TRMT5: variants seen among roughly 807,000 people sequenced by gnomAD.
TRMT5 encodes the protein tRNA (guanine(37)-N(1))-methyltransferase.
TRMT5 carries 31 observed loss-of-function variants against 42.2 expected under a neutral mutation model. The observed-to-expected ratio is 0.73, with a 90% CI of 0.55 to 0.99. The LOEUF (loss-of-function observed/expected upper bound fraction) is 0.99. Among genes scored for constraint, TRMT5 ranks in the 50% least tolerant of loss-of-function variants. The probability of loss-of-function intolerance (pLI) is 0.00; values close to 1 mark genes in which losing one functional copy is unlikely to be tolerated. For synonymous variants in TRMT5, 198 were observed against 209.6 expected, an observed-to-expected ratio of 0.94 and a Z score of 0.48; for missense variants, 568 against 595.0, an observed-to-expected ratio of 0.95 and a Z score of 0.47.
chr14:60,973,623 G>A lies in TRMT5; in HGVS notation c.*1486C>T, dbSNP rs188346331. 2.0e-5 allele frequency: 3 copies of A among 152,312 alleles called. No individual in the cohort carries two copies. The highest frequency in any genetic ancestry group is 4.4e-5 in the Non-Finnish European group (3 of 68,042). 9.4% of individuals were successfully genotyped at this position (152,312 alleles called of 1,614,324 possible). ...GGTGTAACTGTGTCTCTACACTCCA[G>A]CCTGGGCAACAGAGCAAGACCCTGT... On this transcript the variant is annotated 3_prime_UTR_variant, in exon 5 of 5. Transcript: ENST00000261249.
In TRMT5 at chr14:60,979,691, C is replaced by A. The variant is rs1180685311; in HGVS notation, c.207G>T (p.Glu69Asp). ...CAGAAGGTGGTGAAAACAATTCAGT[C>A]TCTCTCTCATGTGTTTCTGTTTCTG... Reference protein sequence around the residue: ...TMPETETHERETELFSPPSDV... With the variant: ...TMPETETHERDTELFSPPSDV... Residue 69 changes from glutamate to aspartate, a missense_variant, in exon 2 of 5, where the codon GAG (glutamate) becomes GAT (aspartate). By Grantham distance (45) the Glu-to-Asp change is conservative. Coordinates refer to ENST00000261249, the MANE Select transcript of TRMT5 (RefSeq NM_020810.3). 2 of 1,614,074 alleles carry A rather than the reference C, an allele frequency of 1.2e-6. No individual in the cohort carries two copies. Among genetic ancestry groups the A allele is most frequent in the Admixed American group, 3.3e-5 (2 of 59,994 alleles).
Position 60,972,501 on chromosome 14 carries a change from G to T in TRMT5, c.*2608C>A, listed in dbSNP as rs1438308760. The stretch of plus-strand genomic sequence containing the variant: ...GGCGGCGGCGGGATGTGGGCACCGG[G>T]TGTGGGACGCAGCAGCGCGCGGGCT... On this transcript the variant is annotated 3_prime_UTR_variant, in exon 5 of 5. Transcript: ENST00000261249. The T allele has an allele frequency of 4.3e-6, 2 of 468,186 alleles. No homozygotes were observed. The highest frequency in any genetic ancestry group is 8.5e-6 in the Non-Finnish European group (2 of 235,522). 29.0% of individuals were successfully genotyped at this position (468,186 alleles called of 1,614,324 possible).
Position 60,973,506 on chromosome 14 carries a change from G to A in TRMT5, c.*1603C>T, listed in dbSNP as rs2036806162. On this transcript the variant is annotated 3_prime_UTR_variant, in exon 5 of 5. Coordinates refer to ENST00000261249, the MANE Select transcript of TRMT5 (RefSeq NM_020810.3). Reference sequence around the variant, plus strand: ...GGGGATAGTGCTAAACCATTCACGAGGGCCACATATAAGGGCTCACACCTG... The same window carrying A: ...GGGGATAGTGCTAAACCATTCACGAAGGCCACATATAAGGGCTCACACCTG... The A allele has an allele frequency of 6.6e-6, 1 of 152,168 alleles. No individual in the cohort carries two copies. The highest frequency in any genetic ancestry group is 6.5e-5 in the Admixed American group (1 of 15,280). 9.4% of individuals were successfully genotyped at this position (152,168 alleles called of 1,614,324 possible). A position where few individuals can be genotyped will look rare whatever the true frequency, so the allele number is the denominator to read the frequency against.
In TRMT5 at chr14:60,971,768, T is replaced by C. The variant is rs2036776444; in HGVS notation, c.*3341A>G. 2 of 160,282 alleles carry C rather than the reference T, an allele frequency of 1.2e-5. No homozygotes were observed. Among genetic ancestry groups the C allele is most frequent in the Admixed American group, 1.3e-4 (2 of 15,610 alleles). 9.9% of individuals were successfully genotyped at this position (160,282 alleles called of 1,614,324 possible). A position where few individuals can be genotyped will look rare whatever the true frequency, so the allele number is the denominator to read the frequency against. On this transcript the variant is annotated 3_prime_UTR_variant, in exon 5 of 5. Coordinates refer to ENST00000261249, the MANE Select transcript of TRMT5 (RefSeq NM_020810.3). ...CATAATCTAGAAATGGAACCACTGCTCTTTTGACAGGTGCCATCTCAGTGG... is the reference window on the plus strand; with the variant it reads ...CATAATCTAGAAATGGAACCACTGCCCTTTTGACAGGTGCCATCTCAGTGG...
chr14:60,979,321 C>T lies in TRMT5; in HGVS notation c.577G>A (p.Gly193Ser). 6.2e-7 allele frequency: 1 copy of T among 1,614,124 alleles called. No homozygotes were observed. Among genetic ancestry groups the T allele is most frequent in the Non-Finnish European group, 8.5e-7 (1 of 1,180,008 alleles). The change falls in exon 2 of 5, where the codon GGT becomes AGT. Residue 193 changes from glycine to serine, a missense_variant. Coordinates refer to ENST00000261249, the MANE Select transcript of TRMT5 (RefSeq NM_020810.3). ...EEILRAVLPE[G>S]QDVTSGFSRI... is the part of the protein sequence containing the mutation. ...CTAAACCCTGAAGTTACATCTTGAC[C>T]TTCAGGAAGCACAGCTCTCAAGATT...
At chr14:60,979,114 A>T in intron 2 of TRMT5, 117 bp downstream of exon 2, 1 of 907,124 alleles carries the variant, frequency 1.1e-6, no homozygotes, top group Non-Finnish European at 1.6e-6. Flanking sequence ...GCTTAAAGTT[A>T]ACATGATAAA....
upstream of TRMT5, chr14:60,981,370 G>A (rs773085220): frequency 6.2e-7 from 1 of 1,602,456 alleles, no homozygotes; most frequent in Non-Finnish European, 8.5e-7. Flanking sequence ...AGTTGAGTCC[G>A]TTGCTAAGCA....
Position 60,979,900 on chromosome 14 carries a change from A to AG in TRMT5, c.12-15_12-14insC. On this transcript the variant is annotated splice_polypyrimidine_tract_variant and intron_variant, in intron 1 of 4. Coordinates refer to ENST00000261249, the MANE Select transcript of TRMT5 (RefSeq NM_020810.3). ...CTCCATAAGATCCTTAAAAAAAAAA[A>AG]AAAAAAATTCACACACGACAGCTTT... 6.5e-7 allele frequency: 1 copy of AG among 1,532,408 alleles called. No individual in the cohort carries two copies. The allele number at this position is 1,532,408 out of a possible 1,614,324, so 94.9% of individuals were successfully genotyped here.
Position 60,975,502 on chromosome 14 carries a change from G to C in TRMT5, c.1417C>G (p.Leu473Val). ...GGATTTCTGGTCTGGTTCTTGTAGA[G>C]GACAGAGGCAGGAATCTGAAACGTG... The part of the protein sequence containing the change: ...CITFQIPASV[L>V]YKNQTRNPEN... The change falls in exon 4 of 5, where the codon CTC becomes GTC. Residue 473 changes from leucine to valine, a missense_variant. Coordinates refer to ENST00000261249, the MANE Select transcript of TRMT5 (RefSeq NM_020810.3). 1.2e-6 allele frequency: 2 copies of C among 1,614,066 alleles called. No individual in the cohort carries two copies. Among genetic ancestry groups the C allele is most frequent in the Non-Finnish European group, 8.5e-7 (1 of 1,179,948 alleles).
rs780467938 is a variant in TRMT5 at position 60,979,653 on chromosome 14, A to T, written c.245T>A (p.Met82Lys). ...AAAAGCTGTTCTATCAAGTTTTGTC[A>T]TGCCTCGGACATCAGAAGGTGGTGA... ...LFSPPSDVRG[M>K]TKLDRTAFKK... Residue 82 changes from methionine to lysine, a missense_variant, in exon 2 of 5, where the codon ATG (methionine) becomes AAG (lysine). Coordinates refer to ENST00000261249, the MANE Select transcript of TRMT5 (RefSeq NM_020810.3). 5 of 1,614,138 alleles carry T rather than the reference A, an allele frequency of 3.1e-6. No homozygotes were observed. In the South Asian group the frequency reaches 4.4e-5, roughly 14 times the overall value.
At chr14:60,978,823 A>G (rs1184369422) in intron 2 of TRMT5, among the ~76,000 whole-genome samples, 1 of 152,196 alleles carries the variant, frequency 6.6e-6, no homozygotes, top group Admixed American at 6.5e-5. Flanking sequence ...AAGAGGCTCA[A>G]TTGGTTGAAT....
rs370029392 is a variant in TRMT5, at chr14:60,981,009, G to C, written c.-36C>G. On this transcript the variant is annotated 5_prime_UTR_variant, in exon 1 of 5. Coordinates refer to ENST00000261249, the MANE Select transcript of TRMT5 (RefSeq NM_020810.3). ...CACGTCGCTCTGCAGCTGGATCCGCGAGCCGACCCCTCACCTCCCGCTCCG... is the reference window on the plus strand; with the variant it reads ...CACGTCGCTCTGCAGCTGGATCCGCCAGCCGACCCCTCACCTCCCGCTCCG... 1.1e-4 allele frequency: 170 copies of C among 1,611,120 alleles called. No homozygotes were observed. Among genetic ancestry groups the C allele is most frequent in the African/African-American group, 1.5e-4 (11 of 74,914 alleles).
At chr14:60,981,592 G>A (rs2037025547), upstream of TRMT5, 1 of 1,502,074 alleles carries the variant, frequency 6.7e-7, no homozygotes, top group Non-Finnish European at 8.9e-7. Context: ...ACTCTAGAAA[G>A]AAAAGATGAA....
Position 60,979,688 on chromosome 14 carries a change from A to G in TRMT5, c.210T>C (p.Thr70=), listed in dbSNP as rs1776801708. The G allele has an allele frequency of 6.2e-7, 1 of 1,614,142 alleles. No individual in the cohort carries two copies. The highest frequency in any genetic ancestry group is 8.5e-7 in the Non-Finnish European group (1 of 1,180,028). ...MPETETHERE[T]ELFSPPSDVR... The stretch of plus-strand genomic sequence containing the variant: ...CATCAGAAGGTGGTGAAAACAATTC[A>G]GTCTCTCTCTCATGTGTTTCTGTTT... The change falls in exon 2 of 5, where the codon ACT becomes ACC. Residue 70 remains threonine (T), a synonymous_variant. Coordinates refer to ENST00000261249, the MANE Select transcript of TRMT5 (RefSeq NM_020810.3).
At position 60,975,198 on chromosome 14, in the gene TRMT5, T is replaced by C; in HGVS notation, c.1445-4A>G. On this transcript the variant is annotated splice_region_variant and splice_polypyrimidine_tract_variant and intron_variant, in intron 4 of 4. Coordinates refer to ENST00000261249, the MANE Select transcript of TRMT5 (RefSeq NM_020810.3). ...AGAGGTGGATCTTCATGATTCTCTG[T>C]AATAAATCCAGAAAACCTATTTTAG... The C allele has an allele frequency of 1.3e-6, 2 of 1,595,790 alleles. No individual in the cohort carries two copies. The highest frequency in any genetic ancestry group is 1.7e-6 in the Non-Finnish European group (2 of 1,174,212).
rs2036921116 is a variant in TRMT5 at position 60,979,960 on chromosome 14, A to T, written c.12-74T>A. 7.6e-6 allele frequency: 11 copies of T among 1,437,922 alleles called. No individual in the cohort carries two copies. The South Asian group carries it at 1.6e-4, about 21-fold the overall frequency. The allele number at this position is 1,437,922 out of a possible 1,614,324, so 89.1% of individuals were successfully genotyped here. A position where few individuals can be genotyped will look rare whatever the true frequency, so the allele number is the denominator to read the frequency against. On this transcript the variant is annotated intron_variant, in intron 1 of 4. Coordinates refer to ENST00000261249, the MANE Select transcript of TRMT5 (RefSeq NM_020810.3). ...AAATCTAAATTCTACTATCTCAAAT[A>T]ACGGGCTAAATGCTGACAAATAAAA... is the stretch of plus-strand genomic sequence containing the variant.
chr14:60,976,482 C>T (rs535572330), intron 3 of TRMT5, among the ~76,000 whole-genome samples: 21 of 152,298 alleles, frequency 1.4e-4, no homozygotes, highest in Admixed American at 8.5e-4. Context: ...CTTATGTCAC[C>T]AGATAGACAA....
Position 60,975,934 on chromosome 14 carries a change from T to G in TRMT5, c.985A>C (p.Asn329His), listed in dbSNP as rs764070002. The change falls in exon 4 of 5, where the codon AAT becomes CAT. Residue 329 changes from asparagine to histidine, a missense_variant. Coordinates refer to ENST00000261249, the MANE Select transcript of TRMT5 (RefSeq NM_020810.3). ...AACAGCCATTTATGAGATTCAGGATTGAGATCATTGGCAAATACAGTGCAG... is the reference window on the plus strand; with the variant it reads ...AACAGCCATTTATGAGATTCAGGATGGAGATCATTGGCAAATACAGTGCAG... ...KNCTVFANDL[N>H]PESHKWLLYN... is the part of the protein sequence containing the mutation. 6.2e-7 allele frequency: 1 copy of G among 1,614,156 alleles called. No homozygotes were observed. Among genetic ancestry groups the G allele is most frequent in the Non-Finnish European group, 8.5e-7 (1 of 1,179,994 alleles).
intron 3 of TRMT5, 81 bp from the exon 4 acceptor site, chr14:60,976,207 A>T: frequency 7.0e-7 from 1 of 1,429,624 alleles, no homozygotes; most frequent in Non-Finnish European, 9.4e-7. Flanking sequence ...TTGTGTATAC[A>T]CACAGGCAAA....
Sources: gnomAD v4.1 joint callset for allele counts (sites outside exome capture counted in the v4.1 genomes callset) on GRCh38, gnomAD v4.1.1 for gene constraint, MANE v1.5 for transcripts, NCBI Gene and HGNC (gene_info 2026-07-23, HGNC 2026-07-21) for gene names.